NUP58: variants seen among roughly 807,000 people sequenced by gnomAD.
NUP58 encodes the protein nucleoporin 58, also known as nucleoporin p58/p45.
In NUP58, 17 loss-of-function variants were observed where a neutral mutation model predicts 70.1. That is an observed-to-expected ratio of 0.24 (90% CI 0.17 to 0.36). The LOEUF is 0.36. Ranked by LOEUF, NUP58 falls within the 10% of genes least tolerant of loss-of-function variation. NUP58 has a pLI of 1.00. For synonymous variants in NUP58, 275 were observed against 257.6 expected, an observed-to-expected ratio of 1.07 and a Z score of -0.65; for missense variants, 644 against 701.5, an observed-to-expected ratio of 0.92 and a Z score of 0.93.
At chr13:25,304,933 C>G (rs1032090514) in intron 1 of NUP58, among the ~76,000 whole-genome samples, 8 of 152,122 alleles carry the variant, frequency 5.3e-5, no homozygotes, top group Non-Finnish European at 8.8e-5. Flanking sequence ...ACCAGCTAAG[C>G]TAAATGTTTT....
rs927594831 is a variant in NUP58, at chr13:25,318,333, T to TA, written c.686-983dup. ...CTAGAGTGAGACTCCGTCTCAGAAATAAAAAAAAAATTTGTAGCCACAGGG... is the reference window on the plus strand; with the variant it reads ...CTAGAGTGAGACTCCGTCTCAGAAATAAAAAAAAAAATTTGTAGCCACAGGG... On this transcript the variant is annotated intron_variant, in intron 6 of 15. Coordinates refer to ENST00000381736, the MANE Select transcript of NUP58 (RefSeq NM_014089.4). Among the ~76,000 whole-genome samples, 57 of 149,618 alleles carry TA rather than the reference T, an allele frequency of 3.8e-4. 1 individual carries two copies. The highest frequency in any genetic ancestry group is 1.1e-3 in the South Asian group (5 of 4,738).
At position 25,335,209 on chromosome 13, in the gene NUP58, C is replaced by A. The variant is rs572510262; in HGVS notation, c.1436-1727C>A. ...TCTGATGTGCAATGGAAAGTCTTGTCATCATTAGATATGAGTTCTTGATTA... is the reference window on the plus strand; with the variant it reads ...TCTGATGTGCAATGGAAAGTCTTGTAATCATTAGATATGAGTTCTTGATTA... On this transcript the variant is annotated intron_variant, in intron 13 of 15. Transcript: ENST00000381736. 3 of 985,010 alleles carry A rather than the reference C, an allele frequency of 3.0e-6. No homozygotes were observed. In the South Asian group the frequency reaches 1.4e-4, roughly 46 times the overall value. The allele number at this position is 985,010 out of a possible 1,614,324, so 61.0% of individuals were successfully genotyped here. A position where few individuals can be genotyped will look rare whatever the true frequency, so the allele number is the denominator to read the frequency against.
chr13:25,343,525 T>C (rs1353340062), downstream of NUP58, among the ~76,000 whole-genome samples: 6 of 150,480 alleles, frequency 4.0e-5, no homozygotes, highest in Non-Finnish European at 8.9e-5. Context: ...CCATCTCGGC[T>C]CACTGCAGCC....
chr13:25,325,153 A>G, intron 10 of NUP58, 85 bp downstream of exon 10: 1 of 953,826 alleles, frequency 1.0e-6, no homozygotes, highest in Non-Finnish European at 1.6e-6. Flanking sequence ...AAATATTTTT[A>G]GTATACTATG....
intron 1 of NUP58, among the ~76,000 whole-genome samples, chr13:25,305,130 G>GTTTTTTTTTTTTTTTTTTTTTTTTTTTT (rs562132125): frequency 3.4e-5 from 2 of 58,562 alleles, no homozygotes; most frequent in African/African-American, 1.0e-4. Context: ...GATCTGTGGG[G>GTTTTTTTTTTTTTTTTTTTTTTTTTTTT]TTTTTTTTTT....
At chr13:25,326,384 G>A (rs1232580420) in intron 10 of NUP58, among the ~76,000 whole-genome samples, 1 of 150,832 alleles carries the variant, frequency 6.6e-6, no homozygotes, top group African/African-American at 2.4e-5. Flanking sequence ...AAATTTATTA[G>A]AAAAGTAGCA....
intron 13 of NUP58, chr13:25,333,733 A>G (rs1043222571): frequency 1.0e-6 from 1 of 985,182 alleles, no homozygotes; most frequent in Admixed American, 6.2e-5. Context: ...GGTGTTTTGT[A>G]CCCCATAAGT....
intron 9 of NUP58, among the ~76,000 whole-genome samples, chr13:25,322,185 CTT>C (rs2137778841): frequency 6.6e-6 from 1 of 152,268 alleles, no homozygotes; most frequent in African/African-American, 2.4e-5. Context: ...TGAGATACGC[CTT>C]TTTGCTGTGG....
intron 7 of NUP58, 103 bp downstream of exon 7, chr13:25,319,453 G>A (rs2031085497): frequency 9.3e-7 from 1 of 1,075,204 alleles, no homozygotes; most frequent in African/African-American, 1.6e-5. Flanking sequence ...ATACATTTAG[G>A]AGAAAAAACT....
At chr13:25,326,861 T>G (rs915887464) in intron 10 of NUP58, 55 bp from the exon 11 acceptor site, 15 of 943,926 alleles carry the variant, frequency 1.6e-5, no homozygotes, top group Middle Eastern at 2.4e-4. Context: ...TAATTTGGAT[T>G]TGTCACTCCA....
At chr13:25,332,868 C>A in intron 13 of NUP58, 1 of 985,258 alleles carries the variant, frequency 1.0e-6, no homozygotes, top group Non-Finnish European at 1.2e-6. Flanking sequence ...GGATTCAATC[C>A]CATAATTATG....
rs73466659 is a variant in NUP58 at position 25,312,046 on chromosome 13, C to A, written c.287-837C>A. The stretch of plus-strand genomic sequence containing the variant: ...GTAAATGTCAGTTTAGACTTAATCA[C>A]CTGTAGGAGAAATGATGAAAGTGGG... On this transcript the variant is annotated intron_variant, in intron 3 of 15. Transcript: ENST00000381736. Among the ~76,000 whole-genome samples the A allele has an allele frequency of 5.0e-3, 755 of 152,154 alleles. 4 individuals are homozygous for A. The highest frequency in any genetic ancestry group is 0.017 in the African/African-American group (706 of 41,502).
chr13:25,332,162 A>T lies in NUP58; in HGVS notation c.1435+604A>T, dbSNP rs1016723811. 2.9e-5 allele frequency: 29 copies of T among 986,204 alleles called. No individual in the cohort carries two copies. In the African/African-American group the frequency reaches 3.8e-4, roughly 13 times the overall value. The allele number at this position is 986,204 out of a possible 1,614,324, so 61.1% of individuals were successfully genotyped here. ...ACCTTTCCAAGGTGAACAGAACAGC[A>T]AGAGCAGGAAAAAGATGTTTTGAGA... On this transcript the variant is annotated intron_variant, in intron 13 of 15. Coordinates refer to ENST00000381736, the MANE Select transcript of NUP58 (RefSeq NM_014089.4).
downstream of NUP58, among the ~76,000 whole-genome samples, chr13:25,343,184 C>G (rs927019470): frequency 6.6e-6 from 1 of 152,008 alleles, no homozygotes; most frequent in African/African-American, 2.4e-5. Flanking sequence ...CACCCCTTCC[C>G]CTCTTAAGTT....
chr13:25,346,871 T>A (rs914405364), downstream of NUP58, among the ~76,000 whole-genome samples: 1 of 152,166 alleles, frequency 6.6e-6, no homozygotes, highest in Non-Finnish European at 1.5e-5. Context: ...AACCATGTAT[T>A]TAAAATGTTA....
intron 6 of NUP58, among the ~76,000 whole-genome samples, chr13:25,316,134 G>A (rs2030918891): frequency 6.6e-6 from 1 of 152,120 alleles, no homozygotes; most frequent in African/African-American, 2.4e-5. Flanking sequence ...GACTCTTAGT[G>A]TATAGTTTGT....
chr13:25,335,818 G>A (rs1209806252), intron 13 of NUP58: 3 of 1,000,410 alleles, frequency 3.0e-6, no homozygotes, highest in African/African-American at 1.7e-5. Context: ...ATTTTAGTGT[G>A]TATATTACTT....
At position 25,321,138 on chromosome 13, in the gene NUP58, G is replaced by T. The variant is rs202006137; in HGVS notation, c.951+45G>T. 8.0e-3 allele frequency: 12,041 copies of T among 1,497,824 alleles called. 75 individuals are homozygous for T. Among genetic ancestry groups the T allele is most frequent in the Non-Finnish European group, 9.8e-3 (10,934 of 1,113,778 alleles). The allele number at this position is 1,497,824 out of a possible 1,614,324, so 92.8% of individuals were successfully genotyped here. A position where few individuals can be genotyped will look rare whatever the true frequency, so the allele number is the denominator to read the frequency against. ...TTTTACCGTAGGGTTTTTTTGTTTTGTTTTTTCCAAAATGGAAATAAGGTG... is the reference window on the plus strand; with the variant it reads ...TTTTACCGTAGGGTTTTTTTGTTTTTTTTTTTCCAAAATGGAAATAAGGTG... On this transcript the variant is annotated intron_variant, in intron 9 of 15. Coordinates refer to ENST00000381736, the MANE Select transcript of NUP58 (RefSeq NM_014089.4).
intron 7 of NUP58, 154 bp from the exon 8 acceptor site, chr13:25,320,375 GT>G: frequency 1.9e-6 from 1 of 522,082 alleles, no homozygotes. Context: ...ATAAATTTAT[GT>G]TTTTTATAAA....
Sources: gnomAD v4.1 joint callset for allele counts (sites outside exome capture counted in the v4.1 genomes callset) on GRCh38, gnomAD v4.1.1 for gene constraint, MANE v1.5 for transcripts, NCBI Gene and HGNC (gene_info 2026-07-23, HGNC 2026-07-21) for gene names.